The following CTNND2 variants were observed in gnomAD, a reference collection of about 807,000 sequenced individuals.
The protein encoded by CTNND2 is catenin delta 2.
CTNND2 carries 22 observed loss-of-function variants against 144.4 expected under a neutral mutation model. The observed-to-expected ratio is 0.15, with a 90% CI of 0.11 to 0.22. The LOEUF (loss-of-function observed/expected upper bound fraction) is 0.22. Ranked by LOEUF, CTNND2 falls within the 10% of genes least tolerant of loss-of-function variation. CTNND2 has a pLI of 1.00. For missense variants in CTNND2, 1,353 were observed against 1,618.8 expected (o/e 0.84, Z 2.82); for synonymous variants, 751 against 695.6 (o/e 1.08, Z -1.25).
intron 1 of CTNND2, among the ~76,000 whole-genome samples, chr5:11,788,575 A>C (rs1177264009): frequency 2.0e-5 from 3 of 152,170 alleles, no homozygotes; most frequent in African/African-American, 7.2e-5. Context: ...CATACGTAGA[A>C]GTCTATTTCT....
At chr5:11,706,018 C>T (rs2126680262) in intron 2 of CTNND2, among the ~76,000 whole-genome samples, 1 of 152,300 alleles carries the variant, frequency 6.6e-6, no homozygotes, top group South Asian at 2.1e-4. Context: ...CCTTTAAGGA[C>T]CACAGGTAGC....
chr5:11,232,430 GC>G (rs1741133560), intron 10 of CTNND2, among the ~76,000 whole-genome samples: 1 of 152,260 alleles, frequency 6.6e-6, no homozygotes, highest in Non-Finnish European at 1.5e-5. Flanking sequence ...CCCATCTCTT[GC>G]ATCAGCGTGA....
At chr5:11,007,343 A>G (rs1211974096) in intron 18 of CTNND2, among the ~76,000 whole-genome samples, 4 of 150,420 alleles carry the variant, frequency 2.7e-5, no homozygotes, top group African/African-American at 4.9e-5. Context: ...CCAGCGGCCA[A>G]TCTGTCATCT....
intron 9 of CTNND2, among the ~76,000 whole-genome samples, chr5:11,280,084 C>T: frequency 6.6e-6 from 1 of 152,096 alleles, no homozygotes; most frequent in Non-Finnish European, 1.5e-5. Flanking sequence ...AGCCCATACC[C>T]CAGCCACACT....
chr5:11,694,916 A>C (rs1785075664), intron 2 of CTNND2, among the ~76,000 whole-genome samples: 1 of 152,264 alleles, frequency 6.6e-6, no homozygotes, highest in African/African-American at 2.4e-5. Context: ...TTGGAACCCC[A>C]ATGTGTTGTC....
chr5:11,523,512 C>A (rs1304133052), intron 3 of CTNND2, among the ~76,000 whole-genome samples: 1 of 152,132 alleles, frequency 6.6e-6, no homozygotes, highest in African/African-American at 2.4e-5. Context: ...CACAAACCTA[C>A]AAAGGGGCAT....
chr5:10,982,926 C>T lies in CTNND2; in HGVS notation c.3344-1080G>A, dbSNP rs566665928. Among the ~76,000 whole-genome samples the T allele has an allele frequency of 3.3e-5, 5 of 152,190 alleles. No homozygotes were observed. In the South Asian group the frequency reaches 8.3e-4, roughly 25 times the overall value. On this transcript the variant is annotated intron_variant, in intron 20 of 21. Transcript: ENST00000304623. ...AAGACAAATATGGTATGTTCTCACGCACATGTGGAATATGCGGAAGCTAAA... is the reference window on the plus strand; with the variant it reads ...AAGACAAATATGGTATGTTCTCACGTACATGTGGAATATGCGGAAGCTAAA...
intron 2 of CTNND2, among the ~76,000 whole-genome samples, chr5:11,673,802 C>T (rs763154550): frequency 3.9e-5 from 6 of 152,044 alleles, no homozygotes; most frequent in Admixed American, 2.0e-4. Flanking sequence ...TGATAAATAG[C>T]GTTATCTAAA....
intron 2 of CTNND2, among the ~76,000 whole-genome samples, chr5:11,718,120 A>T (rs763955849): frequency 7.9e-5 from 12 of 152,202 alleles, no homozygotes; most frequent in Non-Finnish European, 1.6e-4. Context: ...AAATAATTTC[A>T]ATATTCGTAT....
intron 12 of CTNND2, among the ~76,000 whole-genome samples, chr5:11,130,360 C>T (rs183628164): frequency 2.0e-5 from 3 of 152,232 alleles, no homozygotes; most frequent in Admixed American, 2.0e-4. Flanking sequence ...TGCCTGGATC[C>T]GTGCCTTCTG....
rs1237913925 is a variant in CTNND2, at chr5:11,068,620, A to G, written c.2788+14076T>C. ...CTATTATGCATTACAACACAACTTAATAAGAATCTACTAGGCCAGGCGCGG... is the reference window on the plus strand; with the variant it reads ...CTATTATGCATTACAACACAACTTAGTAAGAATCTACTAGGCCAGGCGCGG... On this transcript the variant is annotated intron_variant, in intron 16 of 21. Coordinates refer to ENST00000304623, the MANE Select transcript of CTNND2 (RefSeq NM_001332.4). Among the ~76,000 whole-genome samples the G allele has an allele frequency of 2.6e-5, 4 of 152,248 alleles. No individual in the cohort carries two copies. The East Asian group carries it at 7.7e-4, about 29-fold the overall frequency.
chr5:11,241,038 A>G lies in CTNND2; in HGVS notation c.1629-4215T>C, dbSNP rs376969819. On this transcript the variant is annotated intron_variant, in intron 9 of 21. Transcript: ENST00000304623. ...ACACCCAACACACACACCCACCCCA[A>G]CACACATGCACACACACCACACACA... Among the ~76,000 whole-genome samples, 8 of 147,456 alleles carry G rather than the reference A, an allele frequency of 5.4e-5. No individual in the cohort carries two copies. In the East Asian group the frequency reaches 1.6e-3, roughly 30 times the overall value.
intron 7 of CTNND2, among the ~76,000 whole-genome samples, chr5:11,367,951 T>C (rs999480092): frequency 6.6e-6 from 1 of 152,194 alleles, no homozygotes; most frequent in Non-Finnish European, 1.5e-5. Context: ...CATCCAGCAT[T>C]AACGTCTCAA....
chr5:11,880,415 A>G (rs545390051), intron 1 of CTNND2, among the ~76,000 whole-genome samples: 18 of 151,744 alleles, frequency 1.2e-4, no homozygotes, highest in African/African-American at 3.4e-4. Flanking sequence ...AGTCAAGAAG[A>G]AGGCCTTCTA....
At chr5:11,554,914 T>C (rs1776080570) in intron 3 of CTNND2, among the ~76,000 whole-genome samples, 1 of 150,878 alleles carries the variant, frequency 6.6e-6, no homozygotes, top group Non-Finnish European at 1.5e-5. Flanking sequence ...ATCAATTATA[T>C]ATATAAATAT....
chr5:11,475,303 A>G (rs573010235), intron 3 of CTNND2, among the ~76,000 whole-genome samples: 14 of 152,316 alleles, frequency 9.2e-5, no homozygotes, highest in South Asian at 2.1e-4. Flanking sequence ...TTAATTCAGG[A>G]TTTTGGATAC....
In CTNND2 at chr5:11,836,536, CAA is replaced by C. The variant is rs764637538; in HGVS notation, c.37+67279_37+67280del. Among the ~76,000 whole-genome samples, 500 of 130,250 alleles carry C rather than the reference CAA, an allele frequency of 3.8e-3. 4 individuals are homozygous for C. The highest frequency in any genetic ancestry group is 6.2e-3 in the Non-Finnish European group (370 of 59,258). The allele number at this position is 130,250 out of a possible 152,430, so 85.4% of individuals were successfully genotyped here. ...ATACCACTAAAAGGAGCCAAACTAC[CAA>C]AAAAAAAAAAAGATTCCATTAGCCA... On this transcript the variant is annotated intron_variant, in intron 1 of 21. Transcript: ENST00000304623.
intron 3 of CTNND2, among the ~76,000 whole-genome samples, chr5:11,517,994 G>A (rs1363767478): frequency 1.3e-5 from 2 of 152,272 alleles, no homozygotes; most frequent in South Asian, 2.1e-4. Context: ...GAAGCAGAGA[G>A]TGGAAAGGTG....
At chr5:11,673,870 G>A (rs1369131862) in intron 2 of CTNND2, among the ~76,000 whole-genome samples, 6 of 152,192 alleles carry the variant, frequency 3.9e-5, no homozygotes, top group Non-Finnish European at 8.8e-5. Context: ...GAGCCACAGA[G>A]AGAGTGAAGT....
Sources: gnomAD v4.1 joint callset for allele counts (sites outside exome capture counted in the v4.1 genomes callset) on GRCh38, gnomAD v4.1.1 for gene constraint, MANE v1.5 for transcripts, NCBI Gene and HGNC (gene_info 2026-07-23, HGNC 2026-07-21) for gene names.